AHI1: variants seen among roughly 807,000 people sequenced by gnomAD.
AHI1 encodes the protein Abelson helper integration site 1.
In AHI1, 123 loss-of-function variants were observed where a neutral mutation model predicts 149.3. The observed-to-expected ratio is 0.82, with a 90% confidence interval of 0.71 to 0.96. AHI1 has a LOEUF of 0.96. AHI1 is among the 40% of genes least tolerant of loss of function. The probability of loss-of-function intolerance (pLI) is 0.00; values close to 1 mark genes in which losing one functional copy is unlikely to be tolerated. For missense variants in AHI1, 1,439 were observed against 1,422.7 expected, an observed-to-expected ratio of 1.01 and a Z score of -0.18; for synonymous variants, 475 against 459.8, an observed-to-expected ratio of 1.03 and a Z score of -0.42.
chr6:135,302,872 C>A, intron 26 of AHI1: 1 of 1,219,770 alleles, frequency 8.2e-7, no homozygotes, highest in Non-Finnish European at 1.1e-6. Context: ...AAATAACCCC[C>A]ACCATCGACA....
At chr6:135,451,633 CTGCCATTTT>C (rs1197456602) in intron 11 of AHI1, among the ~76,000 whole-genome samples, 1 of 152,052 alleles carries the variant, frequency 6.6e-6, no homozygotes, top group African/African-American at 2.4e-5. Flanking sequence ...GAATTCTTGA[CTGCCATTTT>C]TGCCAATGGC....
intron 23 of AHI1, among the ~76,000 whole-genome samples, chr6:135,368,792 G>T (rs984685249): frequency 6.6e-6 from 1 of 152,184 alleles, no homozygotes; most frequent in African/African-American, 2.4e-5. Flanking sequence ...CAGTGAGCAG[G>T]GTTGAGAACT....
At chr6:135,361,606 TTTC>T (rs1793874211) in intron 23 of AHI1, among the ~76,000 whole-genome samples, 1 of 151,540 alleles carries the variant, frequency 6.6e-6, no homozygotes, top group African/African-American at 2.4e-5. Flanking sequence ...CTTTTGTAAT[TTTC>T]TTTTTAGTTT....
chr6:135,492,940 T>A, intron 3 of AHI1: 1 of 979,024 alleles, frequency 1.0e-6, no homozygotes, highest in Non-Finnish European at 1.2e-6. Flanking sequence ...TTAGAACATT[T>A]AGAATGTAAT....
intron 23 of AHI1, among the ~76,000 whole-genome samples, chr6:135,386,049 G>C (rs1301606475): frequency 6.6e-6 from 1 of 152,052 alleles, no homozygotes; most frequent in Non-Finnish European, 1.5e-5. Flanking sequence ...TTGAAGGCAG[G>C]GTGTATAATT....
intron 23 of AHI1, among the ~76,000 whole-genome samples, chr6:135,372,734 G>A (rs1775254414): frequency 6.6e-6 from 1 of 152,064 alleles, no homozygotes. Context: ...CTATTTTAAA[G>A]GAAGGAAACA....
At chr6:135,414,976 A>AC (rs1404550633) in intron 20 of AHI1, among the ~76,000 whole-genome samples, 15 of 56,292 alleles carry the variant, frequency 2.7e-4, no homozygotes, top group African/African-American at 1.0e-3. Flanking sequence ...CCCCCACCCC[A>AC]CAACAGGCCC....
At chr6:135,397,471 T>C (rs760940011) in intron 22 of AHI1, among the ~76,000 whole-genome samples, 8 of 151,904 alleles carry the variant, frequency 5.3e-5, no homozygotes, top group Non-Finnish European at 8.8e-5. Context: ...AATACCTCCA[T>C]ATTGGAGAAA....
intron 20 of AHI1, among the ~76,000 whole-genome samples, chr6:135,425,445 T>C (rs1166879982): frequency 1.3e-5 from 2 of 151,918 alleles, no homozygotes; most frequent in African/African-American, 4.8e-5. Context: ...CTTATTAGCA[T>C]ATTAAAACAG....
intron 24 of AHI1, among the ~76,000 whole-genome samples, chr6:135,327,217 G>C (rs1391727449): frequency 1.3e-5 from 2 of 152,198 alleles, no homozygotes; most frequent in East Asian, 1.9e-4. Context: ...GATGGTGTCA[G>C]ATGAACCACT....
At chr6:135,471,956 G>A (rs1791777405) in intron 5 of AHI1, among the ~76,000 whole-genome samples, 1 of 138,690 alleles carries the variant, frequency 7.2e-6, no homozygotes, top group Non-Finnish European at 1.5e-5. Flanking sequence ...AGCTTGCAGT[G>A]AGCCGAGATT....
At chr6:135,461,419 C>T (rs997368716) in intron 8 of AHI1, among the ~76,000 whole-genome samples, 4 of 151,858 alleles carry the variant, frequency 2.6e-5, no homozygotes, top group Non-Finnish European at 2.9e-5. Context: ...ATGACTAAAA[C>T]GTTAAAAAAC....
chr6:135,295,235 T>C (rs781456530), intron 27 of AHI1, among the ~76,000 whole-genome samples: 14 of 152,180 alleles, frequency 9.2e-5, no homozygotes, highest in African/African-American at 2.2e-4. Context: ...TCTACATGTA[T>C]TGGAATGGCT....
chr6:135,471,873 G>A (rs951421648), intron 5 of AHI1, among the ~76,000 whole-genome samples: 21 of 151,408 alleles, frequency 1.4e-4, no homozygotes, highest in African/African-American at 3.9e-4. Flanking sequence ...TTAGCCGGGC[G>A]CGGTGGCGGG....
chr6:135,316,858 ATAC>A (rs1786036547), intron 26 of AHI1, among the ~76,000 whole-genome samples: 1 of 152,184 alleles, frequency 6.6e-6, no homozygotes, highest in Admixed American at 6.5e-5. Context: ...AGCACTACAG[ATAC>A]TACTAACAAA....
At chr6:135,396,051 C>T (rs1477914548) in intron 22 of AHI1, among the ~76,000 whole-genome samples, 1 of 151,386 alleles carries the variant, frequency 6.6e-6, no homozygotes, top group Non-Finnish European at 1.5e-5. Flanking sequence ...AACAGTATAT[C>T]TTAGTTTAGG....
chr6:135,405,043 C>T (rs1187664045), intron 21 of AHI1, 66 bp from the exon 22 acceptor site: 9 of 1,345,550 alleles, frequency 6.7e-6, no homozygotes, highest in Non-Finnish European at 9.5e-6. Context: ...GTTTGCAAAA[C>T]ACTCAGATGT....
chr6:135,397,576 T>C (rs1403631653), intron 22 of AHI1, among the ~76,000 whole-genome samples: 1 of 152,068 alleles, frequency 6.6e-6, no homozygotes. Context: ...TTGCCTACTC[T>C]TTTAGGGTAT....
At chr6:135,376,073 T>C (rs575729524) in intron 23 of AHI1, among the ~76,000 whole-genome samples, 2 of 144,428 alleles carry the variant, frequency 1.4e-5, no homozygotes, top group East Asian at 2.0e-4. Context: ...ATAGTACTCA[T>C]ATAGAAAGAA....
Sources: gnomAD v4.1 joint callset for allele counts (sites outside exome capture counted in the v4.1 genomes callset) on GRCh38, gnomAD v4.1.1 for gene constraint, MANE v1.5 for transcripts, NCBI Gene and HGNC (gene_info 2026-07-23, HGNC 2026-07-21) for gene names.